The following SMYD3 variants were observed in gnomAD, a reference collection of about 807,000 sequenced individuals.
The protein encoded by SMYD3 is SET and MYND domain containing 3.
SMYD3 carries 36 observed loss-of-function variants against 57.7 expected under a neutral mutation model. The ratio of observed to expected loss-of-function variants is 0.62; its 90% CI spans 0.48 to 0.82. The LOEUF (loss-of-function observed/expected upper bound fraction) is 0.82. SMYD3 is among the 40% of genes least tolerant of loss of function. The pLI is 0.00. For missense variants in SMYD3, 515 were observed against 538.8 expected (o/e 0.96, Z 0.44); for synonymous variants, 211 against 195.0 (o/e 1.08, Z -0.68).
chr1:246,192,080 A>G (rs1385014545), intron 5 of SMYD3, among the ~76,000 whole-genome samples: 2 of 152,176 alleles, frequency 1.3e-5, no homozygotes, highest in Non-Finnish European at 2.9e-5. Context: ...AGAAGAGGCT[A>G]TGTGTGGCTT....
intron 5 of SMYD3, among the ~76,000 whole-genome samples, chr1:246,119,308 C>T (rs4654204): frequency 0.99 from 150,921 of 152,296 alleles, 74,782 homozygotes; most frequent in East Asian, 1. Context: ...AAGACTTCTC[C>T]TATTTGAGAG....
At position 246,050,670 on chromosome 1, in the gene SMYD3, G is replaced by A. The variant is rs555841308; in HGVS notation, c.532-120733C>T. On this transcript the variant is annotated intron_variant, in intron 5 of 11. Coordinates refer to ENST00000490107, the MANE Select transcript of SMYD3 (RefSeq NM_001167740.2). ...GCAGGTTAGAACTAAAATGGTGAAC[G>A]CTGAGACTGCCGGAAGATTTTTGTT... 7.9e-5 allele frequency among the ~76,000 whole-genome samples: 12 copies of A among 152,256 alleles called. No homozygotes were observed. The East Asian group carries it at 1.9e-3, about 25-fold the overall frequency.
chr1:246,216,146 G>A (rs1216322821), intron 5 of SMYD3, among the ~76,000 whole-genome samples: 1 of 152,010 alleles, frequency 6.6e-6, no homozygotes, highest in Non-Finnish European at 1.5e-5. Context: ...AATTAGCCAA[G>A]CGTGATGGTG....
At chr1:246,254,232 T>C (rs1342726284) in intron 5 of SMYD3, among the ~76,000 whole-genome samples, 4 of 152,232 alleles carry the variant, frequency 2.6e-5, no homozygotes, top group Non-Finnish European at 5.9e-5. Context: ...CCAAAGTCTA[T>C]GTCCAGAATG....
chr1:245,809,914 T>A (rs992268742), intron 10 of SMYD3, among the ~76,000 whole-genome samples: 1 of 152,314 alleles, frequency 6.6e-6, no homozygotes, highest in East Asian at 1.9e-4. Flanking sequence ...TCTCTCTCAT[T>A]GTCATTTTCA....
chr1:245,775,025 G>T (rs535244318), intron 10 of SMYD3, among the ~76,000 whole-genome samples: 2 of 152,248 alleles, frequency 1.3e-5, no homozygotes, highest in African/African-American at 4.8e-5. Flanking sequence ...CCAGGCTGGA[G>T]TGCAGTGGCG....
intron 5 of SMYD3, among the ~76,000 whole-genome samples, chr1:246,208,931 AGGT>A (rs2063042686): frequency 3.3e-5 from 5 of 152,198 alleles, no homozygotes; most frequent in Non-Finnish European, 5.9e-5. Context: ...ATTCAGCTAA[AGGT>A]CAAATAATAT....
intron 11 of SMYD3, among the ~76,000 whole-genome samples, chr1:245,756,270 T>C (rs2045602551): frequency 6.6e-6 from 1 of 151,674 alleles, no homozygotes; most frequent in African/African-American, 2.4e-5. Flanking sequence ...ACCTTCCCTT[T>C]ACATTTTACC....
At chr1:245,849,896 G>T (rs1320622087) in intron 10 of SMYD3, among the ~76,000 whole-genome samples, 3 of 152,116 alleles carry the variant, frequency 2.0e-5, no homozygotes, top group Non-Finnish European at 4.4e-5. Flanking sequence ...CAAGCAATAT[G>T]CCTGCCTTGG....
At chr1:246,110,838 A>T (rs2061223454) in intron 5 of SMYD3, among the ~76,000 whole-genome samples, 1 of 152,216 alleles carries the variant, frequency 6.6e-6, no homozygotes, top group Admixed American at 6.5e-5. Flanking sequence ...CAGTGCAGCC[A>T]TGTTCCTTAC....
intron 5 of SMYD3, among the ~76,000 whole-genome samples, chr1:246,146,600 G>A (rs147953653): frequency 5.8e-4 from 88 of 152,274 alleles, no homozygotes; most frequent in Non-Finnish European, 1.1e-3. Flanking sequence ...ACAGAAGACC[G>A]TCCTGGGGGT....
chr1:246,382,762 C>A lies in SMYD3; in HGVS notation c.165-27668G>T, dbSNP rs1039858027. Among the ~76,000 whole-genome samples, 69 of 152,092 alleles carry A rather than the reference C, an allele frequency of 4.5e-4. 4 individuals are homozygous for A. On this transcript the variant is annotated intron_variant, in intron 1 of 11. Transcript: ENST00000490107. ...GGTCTCTTTCTGCATACTCAAGCTCCAGGCTCACCCCAGCACCAGGCTAAC... is the reference window on the plus strand; with the variant it reads ...GGTCTCTTTCTGCATACTCAAGCTCAAGGCTCACCCCAGCACCAGGCTAAC...
chr1:246,376,589 TAA>T (rs55996523), intron 1 of SMYD3, among the ~76,000 whole-genome samples: 11 of 85,166 alleles, frequency 1.3e-4, no homozygotes, highest in African/African-American at 1.5e-4. Context: ...ACACTCCATC[TAA>T]AAAAAAAAAA....
chr1:245,947,470 C>T (rs1293603128), intron 5 of SMYD3: 3 of 455,046 alleles, frequency 6.6e-6, no homozygotes, highest in Non-Finnish European at 1.3e-5. Flanking sequence ...CCCCATGTCA[C>T]CGTATTTTAA....
intron 5 of SMYD3, among the ~76,000 whole-genome samples, chr1:246,045,461 C>A (rs940707318): frequency 6.6e-6 from 1 of 152,152 alleles, no homozygotes; most frequent in South Asian, 2.1e-4. Context: ...CCCTTCCTTA[C>A]ACTTTATACA....
At chr1:245,833,073 A>AAAAAAAAAAAACAAC in intron 10 of SMYD3, among the ~76,000 whole-genome samples, 5 of 128,666 alleles carry the variant, frequency 3.9e-5, no homozygotes, top group Middle Eastern at 3.8e-3. Flanking sequence ...AAAAAAAAAA[A>AAAAAAAAAAAACAAC]AACCTGCTTT....
intron 5 of SMYD3, among the ~76,000 whole-genome samples, chr1:245,996,924 C>G (rs189194368): frequency 8.9e-4 from 136 of 152,328 alleles, no homozygotes; most frequent in African/African-American, 3.2e-3. Flanking sequence ...ATGAAGAAGT[C>G]GGCCCCAGAA....
chr1:246,504,774 C>G (rs530179022), intron 1 of SMYD3, among the ~76,000 whole-genome samples: 18 of 152,206 alleles, frequency 1.2e-4, no homozygotes, highest in African/African-American at 4.1e-4. Flanking sequence ...GACACTGGGG[C>G]TACAAAAACT....
intron 5 of SMYD3, among the ~76,000 whole-genome samples, chr1:246,155,568 A>G (rs562233908): frequency 6.6e-6 from 1 of 152,354 alleles, no homozygotes; most frequent in East Asian, 1.9e-4. Flanking sequence ...GCTGAAAAGG[A>G]AATACAATCA....
Sources: allele counts gnomAD v4.1 joint callset (sites outside exome capture counted in the v4.1 genomes callset), GRCh38; gene constraint gnomAD v4.1.1; transcripts MANE v1.5; gene names NCBI Gene and HGNC (gene_info 2026-07-23, HGNC 2026-07-21).